CCDC3: variants seen among roughly 807,000 people sequenced by gnomAD.
The protein encoded by CCDC3 is coiled-coil domain containing 3.
CCDC3 carries 24 observed loss-of-function variants against 21.4 expected under a neutral mutation model. That is an observed-to-expected ratio of 1.12 (90% CI 0.81 to 1.58). CCDC3 has a LOEUF of 1.58. CCDC3 is among the 40% of genes most tolerant of loss of function. The probability of loss-of-function intolerance (pLI) is 0.00; values close to 1 mark genes in which losing one functional copy is unlikely to be tolerated. For missense variants in CCDC3, 425 were observed against 360.9 expected, an observed-to-expected ratio of 1.18 and a Z score of -1.44; for synonymous variants, 186 against 166.0, an observed-to-expected ratio of 1.12 and a Z score of -0.93.
At chr10:12,924,810 T>G (rs1405931173) in intron 2 of CCDC3, 1 of 152,184 alleles carries the variant, frequency 6.6e-6, no homozygotes, top group Non-Finnish European at 1.5e-5. Flanking sequence ...TTTGTCGTGT[T>G]CTGTGTGTAT....
intron 2 of CCDC3, among the ~76,000 whole-genome samples, chr10:12,962,797 TAA>T (rs1835200001): frequency 2.0e-5 from 3 of 151,868 alleles, no homozygotes; most frequent in Non-Finnish European, 2.9e-5. Flanking sequence ...TACACAAGAG[TAA>T]AGTTTTTCCC....
intron 5 of CCDC3, among the ~76,000 whole-genome samples, chr10:13,033,562 G>A (rs2782280): frequency 0.38 from 56,785 of 151,276 alleles, 11,029 homozygotes; most frequent in East Asian, 0.7. Flanking sequence ...GCAACCTACA[G>A]AATGGGAGAA....
chr10:13,021,949 G>C (rs1031997559), intron 5 of CCDC3, among the ~76,000 whole-genome samples: 1 of 151,962 alleles, frequency 6.6e-6, no homozygotes, highest in Admixed American at 6.6e-5. Flanking sequence ...TAATAGAGAC[G>C]GGGTTTCACC....
chr10:12,997,062 CT>C (rs1036303210), intron 2 of CCDC3, among the ~76,000 whole-genome samples: 10 of 152,004 alleles, frequency 6.6e-5, no homozygotes, highest in African/African-American at 1.9e-4. Context: ...CACGTACCCC[CT>C]GAACCTAAAA....
At chr10:12,934,723 G>T (rs10906258) in intron 2 of CCDC3, among the ~76,000 whole-genome samples, 38,387 of 151,926 alleles carry the variant, frequency 0.25, 5,131 homozygotes, top group South Asian at 0.45. Context: ...ACCTTTTCTT[G>T]CTCTGAAGTC....
At chr10:12,982,411 A>G (rs889344575) in intron 2 of CCDC3, among the ~76,000 whole-genome samples, 1 of 152,040 alleles carries the variant, frequency 6.6e-6, no homozygotes, top group African/African-American at 2.4e-5. Flanking sequence ...AAGTTCTAGA[A>G]ATCCGCTATA....
At chr10:13,078,963 A>G (rs1007522388) in intron 3 of CCDC3, among the ~76,000 whole-genome samples, 7 of 152,114 alleles carry the variant, frequency 4.6e-5, no homozygotes, top group African/African-American at 7.2e-5. Context: ...ATACATATAT[A>G]ACTAATCTGC....
At chr10:13,083,828 C>T (rs111603329) in intron 3 of CCDC3, among the ~76,000 whole-genome samples, 5,274 of 152,318 alleles carry the variant, frequency 0.035, 140 homozygotes, top group Non-Finnish European at 0.055. Flanking sequence ...GGACAAGCTG[C>T]GTAAGGGATA....
intron 4 of CCDC3, among the ~76,000 whole-genome samples, chr10:13,060,712 C>T (rs1836746832): frequency 6.6e-6 from 1 of 152,106 alleles, no homozygotes; most frequent in South Asian, 2.1e-4. Flanking sequence ...TGCTATGTTG[C>T]CCAGGCTGGT....
chr10:12,957,531 CCA>C (rs1421903993), intron 2 of CCDC3, among the ~76,000 whole-genome samples: 2 of 152,190 alleles, frequency 1.3e-5, no homozygotes, highest in Non-Finnish European at 2.9e-5. Context: ...ACTGCAGTCC[CCA>C]GTTTTGGAGG....
chr10:13,001,723 T>A, upstream of CCDC3: 1 of 408,206 alleles, frequency 2.4e-6, no homozygotes, highest in Non-Finnish European at 3.4e-6. Context: ...TGCCCGGCCC[T>A]GGCGCGCCAC....
chr10:12,933,606 A>C (rs10795996), intron 2 of CCDC3, among the ~76,000 whole-genome samples: 2 of 151,802 alleles, frequency 1.3e-5, no homozygotes, highest in African/African-American at 2.4e-5. Context: ...ACAGACATGC[A>C]CAACCACGCC....
At chr10:13,061,815 A>G (rs1283712985) in intron 4 of CCDC3, among the ~76,000 whole-genome samples, 1 of 152,210 alleles carries the variant, frequency 6.6e-6, no homozygotes, top group Non-Finnish European at 1.5e-5. Flanking sequence ...GAAGTCTCAT[A>G]GTGGCTGCCC....
intron 2 of CCDC3, among the ~76,000 whole-genome samples, chr10:12,920,602 C>T (rs778798668): frequency 3.0e-4 from 46 of 152,090 alleles, no homozygotes; most frequent in African/African-American, 2.4e-4. Context: ...TGGTTTTTGC[C>T]ATGACTTTTA....
chr10:13,031,021 C>T (rs1295734934), intron 5 of CCDC3, among the ~76,000 whole-genome samples: 4 of 152,188 alleles, frequency 2.6e-5, no homozygotes, highest in Non-Finnish European at 4.4e-5. Context: ...GAACTCTCCA[C>T]CCCAAATCAA....
chr10:13,068,571 A>ATT (rs1223455333), intron 4 of CCDC3, among the ~76,000 whole-genome samples: 1 of 152,206 alleles, frequency 6.6e-6, no homozygotes, highest in Non-Finnish European at 1.5e-5. Flanking sequence ...AGGTTTGCTA[A>ATT]ATGTTTTAAG....
At chr10:12,954,746 C>T (rs1355699917) in intron 2 of CCDC3, among the ~76,000 whole-genome samples, 1 of 152,210 alleles carries the variant, frequency 6.6e-6, no homozygotes, top group Non-Finnish European at 1.5e-5. Context: ...TAGGCGGCAC[C>T]TCCAACGTCG....
chr10:13,035,033 T>TA (rs11448002), intron 5 of CCDC3, among the ~76,000 whole-genome samples: 53,412 of 139,494 alleles, frequency 0.38, 10,364 homozygotes, highest in East Asian at 0.71. Flanking sequence ...CTCAAAAAAT[T>TA]AAAAAAAAAA....
At chr10:12,919,730 T>C (rs1834417858) in intron 2 of CCDC3, among the ~76,000 whole-genome samples, 1 of 144,098 alleles carries the variant, frequency 6.9e-6, no homozygotes, top group African/African-American at 2.5e-5. Context: ...CACAGACTTG[T>C]GGCCCCACAG....
Sources: gnomAD v4.1 joint callset for allele counts (sites outside exome capture counted in the v4.1 genomes callset) on GRCh38, gnomAD v4.1.1 for gene constraint, MANE v1.5 for transcripts, NCBI Gene and HGNC (gene_info 2026-07-23, HGNC 2026-07-21) for gene names.